CCDC30: variants seen among roughly 807,000 people sequenced by gnomAD.
CCDC30 encodes coiled-coil domain containing 30.
CCDC30 carries 70 observed loss-of-function variants against 100.2 expected under a neutral mutation model. The observed-to-expected ratio is 0.70, with a 90% CI of 0.58 to 0.85. The LOEUF (loss-of-function observed/expected upper bound fraction) is 0.85. CCDC30 is among the 40% of genes least tolerant of loss of function. The pLI, the probability that CCDC30 is intolerant of heterozygous loss-of-function variation, is 0.00. For missense variants in CCDC30, 652 were observed against 771.2 expected (o/e 0.85, Z 1.83); for synonymous variants, 233 against 269.5 (o/e 0.86, Z 1.33).
rs573354651 is a variant in CCDC30 at position 42,537,969 on chromosome 1, C to CAA, written c.457-28312_457-28311dup. 527 of 123,668 alleles carry CAA rather than the reference C, an allele frequency of 4.3e-3. 4 individuals are homozygous for CAA. Among genetic ancestry groups the CAA allele is most frequent in the African/African-American group, 4.9e-3 (160 of 32,494 alleles). The allele number at this position is 123,668 out of a possible 1,614,324, so 7.7% of individuals were successfully genotyped here. A position where few individuals can be genotyped will look rare whatever the true frequency, so the allele number is the denominator to read the frequency against. On this transcript the variant is annotated intron_variant, in intron 6 of 16. Coordinates refer to ENST00000668663, the Ensembl canonical transcript of CCDC30. ...GGGCAACAAGAGCGAAACTCCATCTCAAAAAAAAAAAAAAAATCTGCATTT... is the reference window on the plus strand; with the variant it reads ...GGGCAACAAGAGCGAAACTCCATCTCAAAAAAAAAAAAAAAAAATCTGCATTT...
chr1:42,632,580 G>A (rs1396212898), intron 11 of CCDC30, among the ~76,000 whole-genome samples: 1 of 151,552 alleles, frequency 6.6e-6, no homozygotes, highest in African/African-American at 2.4e-5. Flanking sequence ...CCTCAACATG[G>A]AGAAACCCTG....
chr1:42,505,661 C>T (rs1026657414), intron 6 of CCDC30, among the ~76,000 whole-genome samples: 3 of 152,316 alleles, frequency 2.0e-5, no homozygotes, highest in Non-Finnish European at 4.4e-5. Flanking sequence ...CAGGAGGAAT[C>T]TCAAATAATA....
intron 10 of CCDC30, among the ~76,000 whole-genome samples, chr1:42,603,227 A>C (rs1374502254): frequency 6.6e-6 from 1 of 152,082 alleles, no homozygotes; most frequent in East Asian, 1.9e-4. Context: ...CACCCTCTGG[A>C]GGGGAGGAAC....
chr1:42,653,744 C>T (rs1648545120), intron 16 of CCDC30, 74 bp from the exon 21 acceptor site: 5 of 1,064,642 alleles, frequency 4.7e-6, no homozygotes, highest in Non-Finnish European at 2.8e-6. Context: ...CTATCAATGC[C>T]TGTATCCCTG....
intron 11 of CCDC30, among the ~76,000 whole-genome samples, chr1:42,630,870 C>T (rs1278991784): frequency 6.6e-6 from 1 of 152,092 alleles, no homozygotes; most frequent in Non-Finnish European, 1.5e-5. Context: ...AATTCATTCT[C>T]TGTATTATCT....
At chr1:42,475,557 A>C (rs192796456) in intron 1 of CCDC30, among the ~76,000 whole-genome samples, 1 of 152,210 alleles carries the variant, frequency 6.6e-6, no homozygotes, top group African/African-American at 2.4e-5. Context: ...ATATGACATT[A>C]TAGAAAATTT....
intron 11 of CCDC30, among the ~76,000 whole-genome samples, chr1:42,615,645 G>A (rs1646713494): frequency 1.3e-5 from 2 of 152,048 alleles, no homozygotes; most frequent in Non-Finnish European, 2.9e-5. Context: ...AATGTTAGAG[G>A]TCCTGTCTGT....
At chr1:42,611,639 AT>A (rs67721907) in intron 11 of CCDC30, among the ~76,000 whole-genome samples, 29,961 of 151,276 alleles carry the variant, frequency 0.2, 3,586 homozygotes, top group Non-Finnish European at 0.25. Flanking sequence ...TAGGCAGTTA[AT>A]TTTTTTTTCA....
At chr1:42,637,473 C>G (rs1427913573) in intron 12 of CCDC30, 95 bp downstream of exon 16, 3 of 1,103,390 alleles carry the variant, frequency 2.7e-6, no homozygotes, top group Non-Finnish European at 2.7e-6. Context: ...TTTGAGACCC[C>G]TTCATAGTCC....
At chr1:42,487,896 G>A (rs1258897034) in intron 3 of CCDC30, among the ~76,000 whole-genome samples, 4 of 152,192 alleles carry the variant, frequency 2.6e-5, no homozygotes, top group Non-Finnish European at 5.9e-5. Context: ...TTTGATCACA[G>A]AACCCCGGCA....
At chr1:42,530,721 G>A (rs72954356) in intron 6 of CCDC30, among the ~76,000 whole-genome samples, 2,045 of 152,204 alleles carry the variant, frequency 0.013, 46 homozygotes, top group African/African-American at 0.047. Flanking sequence ...AAGTAATCTA[G>A]AGATGATTTA....
At chr1:42,614,056 G>C (rs2148646969) in intron 11 of CCDC30, among the ~76,000 whole-genome samples, 1 of 150,998 alleles carries the variant, frequency 6.6e-6, no homozygotes, top group South Asian at 2.1e-4. Flanking sequence ...GGGGAGAGAG[G>C]TTCTGATGAA....
At position 42,618,229 on chromosome 1, in the gene CCDC30, C is replaced by CTTTTTTT. The variant is rs563022326; in HGVS notation, c.1277+7157_1277+7163dup. On this transcript the variant is annotated intron_variant, in intron 11 of 16. Transcript: ENST00000668663. ...GGAGGATGTTGAAAACCAGTGATAT[C>CTTTTTTT]TTTTTTTTTTTTTTTTTTTTTTTTG... 4.9e-3 allele frequency among the ~76,000 whole-genome samples: 446 copies of CTTTTTTT among 90,438 alleles called. 7 individuals carry two copies. Among genetic ancestry groups the CTTTTTTT allele is most frequent in the Middle Eastern group, 9.8e-3 (1 of 102 alleles). 59.3% of individuals were successfully genotyped at this position (90,438 alleles called of 152,430 possible). A position where few individuals can be genotyped will look rare whatever the true frequency, so the allele number is the denominator to read the frequency against.
chr1:42,474,844 C>T lies in CCDC30; in HGVS notation c.-91-5617C>T, dbSNP rs116105544. Among the ~76,000 whole-genome samples the T allele has an allele frequency of 6.0e-3, 921 of 152,250 alleles. 6 individuals are homozygous for T. The highest frequency in any genetic ancestry group is 0.021 in the African/African-American group (859 of 41,542). On this transcript the variant is annotated intron_variant, in intron 1 of 16. Coordinates refer to ENST00000668663, the Ensembl canonical transcript of CCDC30. Reference sequence around the variant, plus strand: ...ATAGTGCCTGGAGCATATTCGCTTTCTACCTGTTATTATGCACATAAAAGT... The same window carrying T: ...ATAGTGCCTGGAGCATATTCGCTTTTTACCTGTTATTATGCACATAAAAGT...
intron 11 of CCDC30, among the ~76,000 whole-genome samples, chr1:42,620,509 C>A (rs1191264034): frequency 3.3e-5 from 5 of 151,872 alleles, no homozygotes; most frequent in African/African-American, 9.7e-5. Flanking sequence ...TACCTACAGA[C>A]CTCGCTGGCT....
chr1:42,633,022 CTGGTCT>C (rs1293100070), intron 11 of CCDC30, among the ~76,000 whole-genome samples: 1 of 152,026 alleles, frequency 6.6e-6, no homozygotes. Context: ...GTTGGCCAGG[CTGGTCT>C]TGAACTCCTG....
At chr1:42,506,368 A>T (rs1013230528) in intron 6 of CCDC30, among the ~76,000 whole-genome samples, 1 of 152,030 alleles carries the variant, frequency 6.6e-6, no homozygotes, top group African/African-American at 2.4e-5. Flanking sequence ...CTTGATTATA[A>T]ACTATCTTTT....
intron 6 of CCDC30, among the ~76,000 whole-genome samples, chr1:42,544,671 T>C (rs1486223439): frequency 6.6e-6 from 1 of 152,104 alleles, no homozygotes; most frequent in Non-Finnish European, 1.5e-5. Flanking sequence ...CACACCACCA[T>C]GCCCAGCTAA....
chr1:42,593,694 A>G (rs1279515045), intron 10 of CCDC30: 1 of 152,508 alleles, frequency 6.6e-6, no homozygotes, highest in African/African-American at 2.4e-5. Context: ...TAGTTTACAA[A>G]AAAGACACTT....
Sources: gnomAD v4.1 joint callset for allele counts (sites outside exome capture counted in the v4.1 genomes callset) on GRCh38, gnomAD v4.1.1 for gene constraint, MANE v1.5 for transcripts, NCBI Gene and HGNC (gene_info 2026-07-23, HGNC 2026-07-21) for gene names.